The following TAF11 variants were observed in gnomAD, a reference collection of about 807,000 sequenced individuals.
The protein encoded by TAF11 is TATA-box binding protein associated factor 11, also known as transcription initiation factor TFIID subunit 11.
In TAF11, 10 loss-of-function variants were observed where a neutral mutation model predicts 23.0. The ratio of observed to expected loss-of-function variants is 0.43; its 90% confidence interval spans 0.27 to 0.74. The LOEUF (loss-of-function observed/expected upper bound fraction) is 0.74, where lower values mean the gene tolerates loss of function less well. Among genes scored for constraint, TAF11 ranks in the 30% least tolerant of loss-of-function variants. The pLI, the probability that TAF11 is intolerant of heterozygous loss-of-function variation, is 0.19. For synonymous variants in TAF11, 85 were observed against 95.8 expected, an observed-to-expected ratio of 0.89 and a Z score of 0.66; for missense variants, 196 against 261.7, an observed-to-expected ratio of 0.75 and a Z score of 1.73.
chr6:34,883,267 T>A (rs931933531), intron 1 of TAF11, 187 bp from the exon 2 acceptor site: 6 of 522,794 alleles, frequency 1.1e-5, no homozygotes, highest in South Asian at 6.4e-5. Flanking sequence ...ATGGCTCAGC[T>A]ATGGAAAGAA....
In TAF11 at chr6:34,883,743, C is replaced by A. The variant is rs891186087; in HGVS notation, c.172-663G>T. Among the ~76,000 whole-genome samples the A allele has an allele frequency of 3.9e-5, 6 of 152,222 alleles. No individual in the cohort carries two copies. In the East Asian group the frequency reaches 9.6e-4, roughly 24 times the overall value. On this transcript the variant is annotated intron_variant, in intron 1 of 4. Coordinates refer to ENST00000361288, the MANE Select transcript of TAF11 (RefSeq NM_005643.4). ...GCTGGATGTTTAATAAATGCCTGTT[C>A]AAACCCCACTTAAAAGTAGGCAAAG...
At chr6:34,884,771 A>G (rs1468649056) in intron 1 of TAF11, among the ~76,000 whole-genome samples, 1 of 152,346 alleles carries the variant, frequency 6.6e-6, no homozygotes, top group Admixed American at 6.5e-5. Context: ...TATCTTTGAC[A>G]ATCTTTTCAA....
At chr6:34,884,850 T>C (rs1368623472) in intron 1 of TAF11, among the ~76,000 whole-genome samples, 1 of 152,210 alleles carries the variant, frequency 6.6e-6, no homozygotes, top group Non-Finnish European at 1.5e-5. Context: ...TGTATTTTCC[T>C]TTAAAAAATC....
chr6:34,880,271 G>A lies in TAF11; in HGVS notation c.408+18C>T, dbSNP rs756297082. ...TTCTAAAACGTGATGGAGATGAAGTGTGGTGGTCCATCCTTACCCTTTTGA... is the reference window on the plus strand; with the variant it reads ...TTCTAAAACGTGATGGAGATGAAGTATGGTGGTCCATCCTTACCCTTTTGA... On this transcript the variant is annotated intron_variant, in intron 3 of 4. Coordinates refer to ENST00000361288, the MANE Select transcript of TAF11 (RefSeq NM_005643.4). The surrounding 1 kb of genome is among the most constrained non-coding windows in gnomAD (Gnocchi z 4.8). 8.7e-6 allele frequency: 14 copies of A among 1,612,852 alleles called. No homozygotes were observed. The highest frequency in any genetic ancestry group is 3.3e-5 in the Admixed American group (2 of 59,976).
At chr6:34,886,897 A>G (rs1328511783) in intron 1 of TAF11, among the ~76,000 whole-genome samples, 1 of 152,134 alleles carries the variant, frequency 6.6e-6, no homozygotes, top group Non-Finnish European at 1.5e-5. Flanking sequence ...AGACCCCAAG[A>G]TTCTACTTCT....
rs532124094 is a variant in TAF11 at position 34,880,481 on chromosome 6, G to A, written c.321-105C>T. The A allele has an allele frequency of 2.0e-6, 2 of 996,028 alleles. No homozygotes were observed. Among genetic ancestry groups the A allele is most frequent in the East Asian group, 2.5e-5 (1 of 39,934 alleles). 61.7% of individuals were successfully genotyped at this position (996,028 alleles called of 1,614,324 possible). ...CAATTCAAAAACGAATTCTTAAAGG[G>A]GTCAATGGCATTAGGCTTGGTGCCT... is the stretch of plus-strand genomic sequence containing the variant. On this transcript the variant is annotated intron_variant, in intron 2 of 4. Coordinates refer to ENST00000361288, the MANE Select transcript of TAF11 (RefSeq NM_005643.4). The surrounding 1 kb of genome is among the most constrained non-coding windows in gnomAD (Gnocchi z 4.8).
At chr6:34,887,370 A>G (rs1766546997) in intron 1 of TAF11, among the ~76,000 whole-genome samples, 1 of 152,112 alleles carries the variant, frequency 6.6e-6, no homozygotes, top group East Asian at 1.9e-4. Context: ...GACAGGTCTG[A>G]TCGACCCTCC....
Position 34,887,854 on chromosome 6 carries a change from C to G in TAF11, c.104G>C (p.Gly35Ala), listed in dbSNP as rs1306834698. 1.2e-6 allele frequency: 2 copies of G among 1,614,222 alleles called. No individual in the cohort carries two copies. Among genetic ancestry groups the G allele is most frequent in the Non-Finnish European group, 1.7e-6 (2 of 1,180,040 alleles). The part of the protein sequence containing the change: ...PGDPGATDTD[G>A]IPEETDGDAD... ...GTCTCCGTCAGTTTCCTCTGGGATT[C>G]CATCGGTGTCGGTAGCCCCCGGGTC... The change falls in exon 1 of 5, where the codon GGA becomes GCA. Residue 35 changes from glycine (G) to alanine (A), a missense_variant. Physicochemically the swap from Gly to Ala is moderately conservative, Grantham distance 60 (BLOSUM62 0). Coordinates refer to ENST00000361288, the MANE Select transcript of TAF11 (RefSeq NM_005643.4).
intron 1 of TAF11, among the ~76,000 whole-genome samples, chr6:34,885,119 C>T (rs1022941870): frequency 1.3e-5 from 2 of 151,506 alleles, no homozygotes; most frequent in African/African-American, 4.9e-5. Context: ...TTTTTCTCCC[C>T]CAGACTCGCT....
At chr6:34,881,324 CA>C (rs1766420156) in intron 2 of TAF11, among the ~76,000 whole-genome samples, 1 of 152,134 alleles carries the variant, frequency 6.6e-6, no homozygotes, top group African/African-American at 2.4e-5. Context: ...ACATATCAAA[CA>C]TCTAAAAAAA....
intron 1 of TAF11, among the ~76,000 whole-genome samples, chr6:34,886,401 A>AAAAC (rs1222968040): frequency 3.2e-5 from 3 of 93,302 alleles, no homozygotes; most frequent in African/African-American, 1.1e-4. Flanking sequence ...ACAAAAAACA[A>AAAAC]AAAACAAACA....
At chr6:34,885,926 G>A (rs1451764765) in intron 1 of TAF11, among the ~76,000 whole-genome samples, 1 of 152,140 alleles carries the variant, frequency 6.6e-6, no homozygotes, top group Middle Eastern at 3.2e-3. Context: ...TCAAGACCAG[G>A]CTGGGCAACT....
chr6:34,887,209 G>T (rs78903789), intron 1 of TAF11, among the ~76,000 whole-genome samples: 22,784 of 152,136 alleles, frequency 0.15, 2,054 homozygotes, highest in African/African-American at 0.25. Context: ...GGCTGAAGCA[G>T]GAGAATCGCG....
At chr6:34,879,699 A>C in intron 4 of TAF11, 3 of 985,382 alleles carry the variant, frequency 3.0e-6, no homozygotes, top group Non-Finnish European at 3.6e-6. Context: ...AGCAAAGTCC[A>C]CTGCAGAAAA....
intron 4 of TAF11, 144 bp from the exon 5 acceptor site, chr6:34,878,864 A>G: frequency 1.4e-6 from 1 of 693,680 alleles, no homozygotes; most frequent in Non-Finnish European, 2.4e-6. Flanking sequence ...AGAGAATATT[A>G]GTATAACGTC....
intron 1 of TAF11, 26 bp downstream of exon 1, chr6:34,887,761 A>G: frequency 6.2e-7 from 1 of 1,613,776 alleles, no homozygotes; most frequent in Non-Finnish European, 8.5e-7. Context: ...GTATTCCTTC[A>G]GCCTCATCAG....
intron 4 of TAF11, chr6:34,879,629 C>T (rs889714046): frequency 2.0e-6 from 2 of 985,178 alleles, no homozygotes; most frequent in Non-Finnish European, 1.2e-6. Flanking sequence ...AACTCACCAT[C>T]CCACACAGGT....
rs776477010 is a variant in TAF11 at position 34,878,628 on chromosome 6, T to TCGA, written c.597_598insTCG (p.Gln199_Ile200insSer). ...ATTTTTTTGTGCTTCGAGTTAGGGATCTGTCCTTTTGACTTTAACCTTCTA... is the reference window on the plus strand; with the variant it reads ...ATTTTTTTGTGCTTCGAGTTAGGGATCGACTGTCCTTTTGACTTTAACCTTCTA... On this transcript the variant is annotated inframe_insertion, in exon 5 of 5. Transcript: ENST00000361288. 6.2e-7 allele frequency: 1 copy of TCGA among 1,612,346 alleles called. No individual in the cohort carries two copies. The highest frequency in any genetic ancestry group is 1.7e-5 in the Admixed American group (1 of 60,008).
Position 34,886,768 on chromosome 6 carries a change from A to G in TAF11, c.171+1019T>C, listed in dbSNP as rs578129845. ...GGCGTGAGCCACTACGCCCAGACAA[A>G]TTTTCTCTTTTTCTAAAAGTTTGTA... On this transcript the variant is annotated intron_variant, in intron 1 of 4. Transcript: ENST00000361288. Among the ~76,000 whole-genome samples the G allele has an allele frequency of 5.6e-4, 85 of 151,996 alleles. 1 individual carries two copies. The highest frequency in any genetic ancestry group is 3.4e-3 in the Middle Eastern group (1 of 294).
Sources: allele counts gnomAD v4.1 joint callset (sites outside exome capture counted in the v4.1 genomes callset), GRCh38; gene constraint gnomAD v4.1.1; non-coding constraint Gnocchi (gnomAD v3.1); transcripts MANE v1.5; gene names NCBI Gene and HGNC (gene_info 2026-07-23, HGNC 2026-07-21).